The following MAP3K5 variants were observed in gnomAD, a reference collection of about 807,000 sequenced individuals.
MAP3K5 encodes ASK-1.
MAP3K5 carries 56 observed loss-of-function variants against 158.7 expected under a neutral mutation model. The observed-to-expected ratio is 0.35, with a 90% CI of 0.28 to 0.44. The LOEUF (loss-of-function observed/expected upper bound fraction) is 0.44, where lower values mean the gene tolerates loss of function less well. Ranked by LOEUF, MAP3K5 falls within the 20% of genes least tolerant of loss-of-function variation. MAP3K5 has a pLI of 1.00. For missense variants in MAP3K5, 1,294 were observed against 1,674.8 expected (o/e 0.77, Z 3.97); for synonymous variants, 579 against 601.7 (o/e 0.96, Z 0.55).
intron 26 of MAP3K5, among the ~76,000 whole-genome samples, chr6:136,563,674 C>A (rs1583187275): frequency 6.6e-6 from 1 of 152,146 alleles, no homozygotes; most frequent in Admixed American, 6.5e-5. Context: ...CAACTGAGAG[C>A]CAACTGGTAA....
At chr6:136,684,932 T>G (rs1780084336) in intron 7 of MAP3K5, among the ~76,000 whole-genome samples, 1 of 152,196 alleles carries the variant, frequency 6.6e-6, no homozygotes, top group African/African-American at 2.4e-5. Flanking sequence ...AATTAGGATG[T>G]ATTCATTCAA....
intron 13 of MAP3K5, among the ~76,000 whole-genome samples, chr6:136,638,707 C>T (rs1777769687): frequency 6.6e-6 from 1 of 151,840 alleles, no homozygotes; most frequent in Non-Finnish European, 1.5e-5. Flanking sequence ...AAAGCTTGAG[C>T]CAAGAATTGT....
chr6:136,762,361 C>G (rs541819443), intron 1 of MAP3K5, among the ~76,000 whole-genome samples: 1 of 152,222 alleles, frequency 6.6e-6, no homozygotes, highest in Admixed American at 6.5e-5. Context: ...ATGCTTTTTC[C>G]AAATATAGAC....
chr6:136,561,391 C>T, intron 28 of MAP3K5, 142 bp downstream of exon 28: 1 of 585,034 alleles, frequency 1.7e-6, no homozygotes, highest in Non-Finnish European at 3.1e-6. Flanking sequence ...TATCACGTGC[C>T]TACCCTGGTC....
rs576281653 is a variant in MAP3K5 at position 136,573,626 on chromosome 6, A to G, written c.3518-5752T>C. On this transcript the variant is annotated intron_variant, in intron 25 of 29. Transcript: ENST00000359015. ...CATGGAGGCTGAAGGGCCTATGCAG[A>G]GTTCTGGGGGAGGGGAGCCTTGGCT... Among the ~76,000 whole-genome samples the G allele has an allele frequency of 9.2e-5, 14 of 152,334 alleles. No homozygotes were observed. The South Asian group carries it at 1.0e-3, about 11-fold the overall frequency.
chr6:136,648,476 C>T (rs6922031), intron 11 of MAP3K5, among the ~76,000 whole-genome samples: 16,602 of 152,134 alleles, frequency 0.11, 1,160 homozygotes, highest in East Asian at 0.22. Flanking sequence ...TTGCTCAGTG[C>T]TACTAGATGG....
chr6:136,593,243 T>C (rs185014677), intron 21 of MAP3K5, among the ~76,000 whole-genome samples: 8 of 152,354 alleles, frequency 5.3e-5, no homozygotes, highest in African/African-American at 1.9e-4. Flanking sequence ...GGTTCTCAGA[T>C]ACTATGATTC....
chr6:136,706,953 G>C (rs965530607), intron 2 of MAP3K5, among the ~76,000 whole-genome samples: 1 of 152,174 alleles, frequency 6.6e-6, no homozygotes, highest in Non-Finnish European at 1.5e-5. Flanking sequence ...TTTGAGGCCA[G>C]CCTAGGCAAC....
chr6:136,659,405 T>C, intron 8 of MAP3K5, 27 bp from the exon 9 acceptor site: 1 of 1,608,572 alleles, frequency 6.2e-7, no homozygotes, highest in Non-Finnish European at 8.5e-7. Flanking sequence ...AAGTAGAATG[T>C]TACAAATGCA....
chr6:136,650,988 T>C lies in MAP3K5; in HGVS notation c.1784A>G (p.Asp595Gly). 6.2e-7 allele frequency: 1 copy of C among 1,602,612 alleles called. No homozygotes were observed. Among genetic ancestry groups the C allele is most frequent in the Non-Finnish European group, 8.5e-7 (1 of 1,170,592 alleles). Residue 595 changes from aspartate to glycine, a missense_variant, in exon 11 of 30, where the codon GAC (aspartate) becomes GGC (glycine). Transcript: ENST00000359015. ...GTTAATAACTGCACAATTTACCTTG[T>C]CATCAGGAAGCACGTGCCAAATAGA... is the stretch of plus-strand genomic sequence containing the variant. ...TISIWHVLPD[D>G]KKGIHEWNFS... is the part of the protein sequence containing the mutation.
intron 1 of MAP3K5, among the ~76,000 whole-genome samples, chr6:136,754,521 A>G (rs1783381166): frequency 6.6e-6 from 1 of 151,794 alleles, no homozygotes; most frequent in African/African-American, 2.4e-5. Flanking sequence ...CGAGGCCTGC[A>G]GCAAGTGATG....
chr6:136,636,970 T>C, intron 14 of MAP3K5: 2 of 1,037,732 alleles, frequency 1.9e-6, no homozygotes, highest in East Asian at 1.7e-4. Context: ...ACAAGGGTGC[T>C]ATCAACCAGA....
At chr6:136,777,426 G>T (rs1042307015) in intron 1 of MAP3K5, among the ~76,000 whole-genome samples, 1 of 152,158 alleles carries the variant, frequency 6.6e-6, no homozygotes, top group African/African-American at 2.4e-5. Flanking sequence ...TGCAATTGCA[G>T]CTCACTGCAG....
At chr6:136,722,423 A>G (rs949763687) in intron 1 of MAP3K5, among the ~76,000 whole-genome samples, 1 of 152,210 alleles carries the variant, frequency 6.6e-6, no homozygotes, top group Non-Finnish European at 1.5e-5. Flanking sequence ...TAACTCAGCA[A>G]TGATAAAAAC....
intron 1 of MAP3K5, among the ~76,000 whole-genome samples, chr6:136,787,263 C>T (rs1784891810): frequency 6.6e-6 from 1 of 152,172 alleles, no homozygotes; most frequent in African/African-American, 2.4e-5. Context: ...ACTGTATCCT[C>T]AATCTGATTT....
At chr6:136,697,896 C>T (rs1780672907) in intron 4 of MAP3K5, among the ~76,000 whole-genome samples, 1 of 152,116 alleles carries the variant, frequency 6.6e-6, no homozygotes, top group Non-Finnish European at 1.5e-5. Flanking sequence ...AGGTGTGCAC[C>T]ACCACACCTG....
chr6:136,664,133 A>C (rs1323090340), intron 8 of MAP3K5, among the ~76,000 whole-genome samples: 2 of 152,102 alleles, frequency 1.3e-5, no homozygotes, highest in Non-Finnish European at 2.9e-5. Context: ...CATTGCTCTT[A>C]TTACTGCCTG....
chr6:136,735,817 C>T (rs7753851), intron 1 of MAP3K5, among the ~76,000 whole-genome samples: 76,113 of 151,730 alleles, frequency 0.5, 19,431 homozygotes, highest in African/African-American at 0.59. Context: ...TGACAGAGCA[C>T]GAACCTATCT....
At chr6:136,662,455 T>G (rs1779044525) in intron 8 of MAP3K5, among the ~76,000 whole-genome samples, 1 of 152,236 alleles carries the variant, frequency 6.6e-6, no homozygotes, top group Non-Finnish European at 1.5e-5. Context: ...AGTATGGAGT[T>G]AAGAACATGG....
Sources: gnomAD v4.1 joint callset for allele counts (sites outside exome capture counted in the v4.1 genomes callset) on GRCh38, gnomAD v4.1.1 for gene constraint, MANE v1.5 for transcripts, NCBI Gene and HGNC (gene_info 2026-07-23, HGNC 2026-07-21) for gene names.